HELZ: variants seen among roughly 807,000 people sequenced by gnomAD.
The protein encoded by HELZ is ATP-dependent RNA helicase with zinc finger domain.
Under a neutral mutation model 218.2 loss-of-function variants are expected in HELZ, and 23 were observed. The ratio of observed to expected loss-of-function variants is 0.11; its 90% CI spans 0.08 to 0.15. The LOEUF (loss-of-function observed/expected upper bound fraction) is 0.15, where lower values mean the gene tolerates loss of function less well. HELZ is among the 10% of genes least tolerant of loss of function. The pLI, the probability that HELZ is intolerant of heterozygous loss-of-function variation, is 1.00. For missense variants in HELZ, 1,813 were observed against 2,353.7 expected (o/e 0.77, Z 4.75); for synonymous variants, 814 against 829.4 (o/e 0.98, Z 0.32).
chr17:67,223,054 T>G (rs1301433006), intron 3 of HELZ, among the ~76,000 whole-genome samples: 1 of 140,332 alleles, frequency 7.1e-6, no homozygotes, highest in Admixed American at 7.5e-5. Context: ...GAGCCCATCC[T>G]GGCTAACACG....
intron 13 of HELZ, among the ~76,000 whole-genome samples, chr17:67,174,221 G>C (rs1008648818): frequency 1.4e-5 from 2 of 147,282 alleles, no homozygotes; most frequent in Non-Finnish European, 1.5e-5. Context: ...AAAAAAGATA[G>C]ATTATTAAAT....
At chr17:67,109,045 A>G in intron 29 of HELZ, 71 bp downstream of exon 29, 2 of 1,255,510 alleles carry the variant, frequency 1.6e-6, no homozygotes, top group Non-Finnish European at 2.2e-6. Flanking sequence ...CTTAACCCAA[A>G]ATGATATTAT....
At chr17:67,160,220 A>G (rs780039710) in intron 17 of HELZ, 41 bp downstream of exon 17, 7 of 1,169,054 alleles carry the variant, frequency 6.0e-6, no homozygotes, top group Admixed American at 1.8e-5. Flanking sequence ...TAAGAATAAT[A>G]AAGTATGATA....
intron 12 of HELZ, among the ~76,000 whole-genome samples, chr17:67,180,877 CAAAAAAAAAAA>C (rs1019801835): frequency 1.2e-4 from 5 of 41,902 alleles, no homozygotes; most frequent in East Asian, 7.7e-4. Flanking sequence ...GACTCCATCT[CAAAAAAAAAAA>C]AAAAAAAAAA....
rs144300589 is a variant in HELZ, at chr17:67,167,831, T to C, written c.1431-35A>G. 445 of 1,364,762 alleles carry C rather than the reference T, an allele frequency of 3.3e-4. 2 individuals are homozygous for C. In the African/African-American group the frequency reaches 5.9e-3, roughly 18 times the overall value. 84.5% of individuals were successfully genotyped at this position (1,364,762 alleles called of 1,614,324 possible). On this transcript the variant is annotated intron_variant, in intron 13 of 32. Transcript: ENST00000358691. The stretch of plus-strand genomic sequence containing the variant: ...AAGTAGAAAACTAGTTTGAATATTT[T>C]ACATCAAAAATATATAAAAACTAGA...
At chr17:67,189,532 A>G (rs551370819) in intron 11 of HELZ, 57 bp downstream of exon 11, 1 of 1,135,406 alleles carries the variant, frequency 8.8e-7, no homozygotes, top group Non-Finnish European at 1.3e-6. Context: ...AAAGGTCAAA[A>G]AAACGTTCAG....
chr17:67,235,819 A>G (rs1345555274), intron 3 of HELZ, among the ~76,000 whole-genome samples: 1 of 124,040 alleles, frequency 8.1e-6, no homozygotes, highest in Admixed American at 1.1e-4. Context: ...CAGTGGTGCT[A>G]TCTCTATCTC....
In HELZ at chr17:67,107,403, A is replaced by G; in HGVS notation, c.5007T>C (p.Leu1669=). 1 of 1,614,166 alleles carries G rather than the reference A, an allele frequency of 6.2e-7. No homozygotes were observed. Among genetic ancestry groups the G allele is most frequent in the South Asian group, 1.1e-5 (1 of 91,082 alleles). Residue 1669 remains leucine, a synonymous_variant, in exon 31 of 33, where the codon CTT becomes CTC. Coordinates refer to ENST00000358691, the MANE Select transcript of HELZ (RefSeq NM_014877.4). ...NSPFSLPSEH[L]APPPLKYLAP... Reference sequence around the variant, plus strand: ...CCAGGTATTTCAAGGGAGGAGGGGCAAGGTGTTCAGATGGCAACGAGAAAG... The same window carrying G: ...CCAGGTATTTCAAGGGAGGAGGGGCGAGGTGTTCAGATGGCAACGAGAAAG...
chr17:67,234,318 AAG>A (rs2041122136), intron 3 of HELZ, among the ~76,000 whole-genome samples: 1 of 145,840 alleles, frequency 6.9e-6, no homozygotes, highest in African/African-American at 2.8e-5. Context: ...AGAAAGAAAA[AAG>A]AAAAAAAAAA....
intron 12 of HELZ, among the ~76,000 whole-genome samples, chr17:67,187,091 A>C (rs189556839): frequency 1.1e-3 from 161 of 152,254 alleles, no homozygotes; most frequent in African/African-American, 3.6e-3. Context: ...TAAAATATTA[A>C]CCGTCTGGCC....
chr17:67,143,581 C>T (rs1282276580), intron 21 of HELZ, among the ~76,000 whole-genome samples: 2 of 151,722 alleles, frequency 1.3e-5, no homozygotes, highest in Non-Finnish European at 2.9e-5. Context: ...TGCACTCCAG[C>T]CTGGATGACA....
Position 67,204,647 on chromosome 17 carries a change from T to C in HELZ, c.248-1204A>G, listed in dbSNP as rs141020399. 2.1e-3 allele frequency among the ~76,000 whole-genome samples: 326 copies of C among 152,342 alleles called. 1 individual carries two copies. Among genetic ancestry groups the C allele is most frequent in the African/African-American group, 7.5e-3 (312 of 41,582 alleles). On this transcript the variant is annotated intron_variant, in intron 5 of 32. Coordinates refer to ENST00000358691, the MANE Select transcript of HELZ (RefSeq NM_014877.4). Reference sequence around the variant, plus strand: ...TAAAAATCTTTACATATACCTTTTATTGAATTTACTAAATTGAAAGTTGCA... The same window carrying C: ...TAAAAATCTTTACATATACCTTTTACTGAATTTACTAAATTGAAAGTTGCA...
At chr17:67,099,694 T>C (rs1344514069) in intron 31 of HELZ, among the ~76,000 whole-genome samples, 2 of 152,160 alleles carry the variant, frequency 1.3e-5, no homozygotes, top group Non-Finnish European at 2.9e-5. Flanking sequence ...ATACCTCTAA[T>C]ATATGACGTT....
chr17:67,101,776 C>T (rs928498401), intron 31 of HELZ, among the ~76,000 whole-genome samples: 1 of 152,310 alleles, frequency 6.6e-6, no homozygotes, highest in Non-Finnish European at 1.5e-5. Context: ...AAAGTGACAT[C>T]TCTTTAGTGA....
intron 20 of HELZ, 39 bp downstream of exon 20, chr17:67,148,530 C>A: frequency 6.3e-7 from 1 of 1,578,082 alleles, no homozygotes; most frequent in Non-Finnish European, 8.6e-7. Flanking sequence ...ACTATCAGAC[C>A]AACGAAAGTA....
chr17:67,198,324 C>G (rs2040084263), intron 7 of HELZ, among the ~76,000 whole-genome samples: 1 of 152,244 alleles, frequency 6.6e-6, no homozygotes, highest in South Asian at 2.1e-4. Context: ...CCGCACGGGC[C>G]TGTGCTGACA....
chr17:67,079,006 T>C (rs2036103078), intron 32 of HELZ, among the ~76,000 whole-genome samples: 1 of 152,202 alleles, frequency 6.6e-6, no homozygotes, highest in Admixed American at 6.5e-5. Flanking sequence ...TAAGTAATAG[T>C]GCCATGGGAT....
intron 12 of HELZ, among the ~76,000 whole-genome samples, chr17:67,184,274 T>G (rs2039691035): frequency 6.6e-6 from 1 of 152,258 alleles, no homozygotes; most frequent in African/African-American, 2.4e-5. Context: ...ATTTCTAAAC[T>G]TATTTGTACA....
intron 31 of HELZ, among the ~76,000 whole-genome samples, chr17:67,090,390 GT>G (rs995228774): frequency 6.6e-6 from 1 of 152,116 alleles, no homozygotes; most frequent in Non-Finnish European, 1.5e-5. Context: ...CCTTTATCTA[GT>G]TTTGGTATCA....
Sources: allele counts gnomAD v4.1 joint callset (sites outside exome capture counted in the v4.1 genomes callset), GRCh38; gene constraint gnomAD v4.1.1; transcripts MANE v1.5; gene names NCBI Gene and HGNC (gene_info 2026-07-23, HGNC 2026-07-21).